LUZP2: variants seen among roughly 807,000 people sequenced by gnomAD.
The protein encoded by LUZP2 is leucine zipper protein 2.
Under a neutral mutation model 51.6 loss-of-function variants are expected in LUZP2, and 52 were observed. The ratio of observed to expected loss-of-function variants is 1.01; its 90% confidence interval spans 0.81 to 1.27. LUZP2 has a LOEUF of 1.27. Among genes scored for constraint, LUZP2 ranks in the 50% most tolerant of loss-of-function variants. The pLI is 0.00. For synonymous variants in LUZP2, 154 were observed against 137.3 expected (o/e 1.12, Z -0.85); for missense variants, 436 against 395.4 (o/e 1.10, Z -0.87).
intron 5 of LUZP2, among the ~76,000 whole-genome samples, chr11:24,886,723 T>C (rs375976666): frequency 6.6e-5 from 10 of 152,278 alleles, no homozygotes; most frequent in African/African-American, 2.4e-4. Flanking sequence ...AGTGAAAAAT[T>C]GTGCATCTAA....
chr11:25,003,920 A>G (rs947887058), intron 9 of LUZP2, among the ~76,000 whole-genome samples: 3 of 152,218 alleles, frequency 2.0e-5, no homozygotes, highest in East Asian at 1.9e-4. Flanking sequence ...AAGTCTCCCA[A>G]TTAAAACTGA....
chr11:24,535,904 GT>G lies in LUZP2; in HGVS notation c.62+38607del, dbSNP rs960753347. Among the ~76,000 whole-genome samples, 602 of 151,484 alleles carry G rather than the reference GT, an allele frequency of 4.0e-3. 3 individuals carry two copies. The highest frequency in any genetic ancestry group is 0.014 in the African/African-American group (575 of 41,388). ...TATGGCAATTATAGTCTTATAAAATGTTTTTTTTAAATAATAAGACTCAAAA... is the reference window on the plus strand; with the variant it reads ...TATGGCAATTATAGTCTTATAAAATGTTTTTTTAAATAATAAGACTCAAAA... On this transcript the variant is annotated intron_variant, in intron 1 of 11. Transcript: ENST00000336930.
intron 1 of LUZP2, among the ~76,000 whole-genome samples, chr11:24,590,729 A>T (rs750567807): frequency 3.9e-5 from 6 of 152,192 alleles, no homozygotes; most frequent in Non-Finnish European, 7.3e-5. Flanking sequence ...AATAGGAAGT[A>T]CATTAATCAT....
chr11:24,519,834 TTG>T (rs1850587925), intron 1 of LUZP2, among the ~76,000 whole-genome samples: 1 of 152,236 alleles, frequency 6.6e-6, no homozygotes, highest in African/African-American at 2.4e-5. Context: ...CATGATTAAT[TTG>T]TGATTGCACA....
intron 5 of LUZP2, among the ~76,000 whole-genome samples, chr11:24,844,361 G>A (rs145347512): frequency 0.014 from 2,130 of 152,230 alleles, 48 homozygotes; most frequent in African/African-American, 0.047. Context: ...AGATGATTTA[G>A]GGTATCTGGC....
At chr11:24,647,940 T>C (rs1328721948) in intron 1 of LUZP2, among the ~76,000 whole-genome samples, 1 of 151,856 alleles carries the variant, frequency 6.6e-6, no homozygotes, top group Non-Finnish European at 1.5e-5. Context: ...GGTGCCTGGA[T>C]GAAACTAATG....
intron 9 of LUZP2, among the ~76,000 whole-genome samples, chr11:25,033,747 A>G (rs1258749182): frequency 6.6e-6 from 1 of 152,152 alleles, no homozygotes; most frequent in Non-Finnish European, 1.5e-5. Flanking sequence ...GCTACAAAAG[A>G]CATAACTTTA....
At chr11:24,621,046 C>A (rs1459333663) in intron 1 of LUZP2, among the ~76,000 whole-genome samples, 1 of 152,140 alleles carries the variant, frequency 6.6e-6, no homozygotes, top group African/African-American at 2.4e-5. Flanking sequence ...CTTCCGTGAG[C>A]CTGCTCCCAT....
At position 25,033,798 on chromosome 11, in the gene LUZP2, T is replaced by C. The variant is rs778743587; in HGVS notation, c.766-16240T>C. Reference sequence around the variant, plus strand: ...CAGTGTGGTGTACATGGTTTTCATGTACACATTTTCTTGATCCAATCCACC... The same window carrying C: ...CAGTGTGGTGTACATGGTTTTCATGCACACATTTTCTTGATCCAATCCACC... On this transcript the variant is annotated intron_variant, in intron 9 of 11. Transcript: ENST00000336930. Among the ~76,000 whole-genome samples, 57 of 152,120 alleles carry C rather than the reference T, an allele frequency of 3.7e-4. 1 individual carries two copies. Among genetic ancestry groups the C allele is most frequent in the South Asian group, 2.1e-3 (10 of 4,830 alleles).
At chr11:24,742,057 T>TTATATATA (rs1554983398) in intron 4 of LUZP2, among the ~76,000 whole-genome samples, 25 of 116,298 alleles carry the variant, frequency 2.1e-4, no homozygotes, top group African/African-American at 1.0e-3. Context: ...ATAAATATAA[T>TTATATATA]TATATATATA....
intron 10 of LUZP2, among the ~76,000 whole-genome samples, chr11:25,065,432 A>T (rs887010713): frequency 6.6e-5 from 10 of 152,040 alleles, no homozygotes; most frequent in Non-Finnish European, 8.8e-5. Flanking sequence ...ATATGTCCTT[A>T]TTTATTCCTT....
At chr11:24,737,693 A>G (rs1023789985) in intron 3 of LUZP2, among the ~76,000 whole-genome samples, 14 of 152,140 alleles carry the variant, frequency 9.2e-5, no homozygotes, top group Admixed American at 3.3e-4. Flanking sequence ...ATCTTCATTA[A>G]ATGAGACAGG....
chr11:24,643,291 G>A (rs755854870), intron 1 of LUZP2, among the ~76,000 whole-genome samples: 58 of 151,468 alleles, frequency 3.8e-4, no homozygotes, highest in Non-Finnish European at 8.1e-4. Context: ...GCTGGGCGTG[G>A]TGGTGCATCT....
intron 7 of LUZP2, among the ~76,000 whole-genome samples, chr11:24,972,452 A>T (rs1855769547): frequency 6.6e-6 from 1 of 152,094 alleles, no homozygotes; most frequent in South Asian, 2.1e-4. Flanking sequence ...GCATGGGGAG[A>T]TTAAATATTT....
intron 7 of LUZP2, among the ~76,000 whole-genome samples, chr11:24,939,075 T>C (rs140148466): frequency 0.021 from 3,180 of 151,706 alleles, 56 homozygotes; most frequent in Middle Eastern, 0.037. Flanking sequence ...CTCTCTCTCT[T>C]TTTTTTTAAT....
At chr11:24,595,181 G>GAA (rs34188144) in intron 1 of LUZP2, among the ~76,000 whole-genome samples, 5,842 of 143,754 alleles carry the variant, frequency 0.041, 279 homozygotes, top group African/African-American at 0.11. Flanking sequence ...ATTAGATTCT[G>GAA]AAAAAAAAAA....
chr11:24,831,229 T>C (rs897479496), intron 5 of LUZP2, among the ~76,000 whole-genome samples: 4 of 152,212 alleles, frequency 2.6e-5, no homozygotes, highest in African/African-American at 9.6e-5. Context: ...TCATATCTCT[T>C]GTTCCATTGG....
At chr11:24,603,948 C>A (rs1222483379) in intron 1 of LUZP2, among the ~76,000 whole-genome samples, 2 of 151,556 alleles carry the variant, frequency 1.3e-5, no homozygotes, top group African/African-American at 2.4e-5. Flanking sequence ...CCTCTTCAGG[C>A]CTGAGTTTTA....
chr11:24,853,041 G>C (rs191591761), intron 5 of LUZP2, among the ~76,000 whole-genome samples: 59 of 152,212 alleles, frequency 3.9e-4, no homozygotes. Context: ...GGCAGTCTGT[G>C]TCTTTTAATT....
Sources: gnomAD v4.1 joint callset for allele counts (sites outside exome capture counted in the v4.1 genomes callset) on GRCh38, gnomAD v4.1.1 for gene constraint, MANE v1.5 for transcripts, NCBI Gene and HGNC (gene_info 2026-07-23, HGNC 2026-07-21) for gene names.